Variants in SLC22A2 observed in about 807,000 individuals in gnomAD.
The protein encoded by SLC22A2 is organic cation transporter 2.
Under a neutral mutation model 60.5 loss-of-function variants are expected in SLC22A2, and 46 were observed. That is an observed-to-expected ratio of 0.76 (90% CI 0.60 to 0.97). SLC22A2 has a LOEUF of 0.97. SLC22A2 is among the 50% of genes least tolerant of loss of function. The pLI, the probability that SLC22A2 is intolerant of heterozygous loss-of-function variation, is 0.00. For missense variants in SLC22A2, 701 were observed against 706.6 expected, an observed-to-expected ratio of 0.99 and a Z score of 0.09; for synonymous variants, 303 against 267.0, an observed-to-expected ratio of 1.13 and a Z score of -1.31.
chr6:160,233,966 G>C (rs990363211), intron 9 of SLC22A2, among the ~76,000 whole-genome samples: 2 of 152,080 alleles, frequency 1.3e-5, no homozygotes, highest in Non-Finnish European at 1.5e-5. Flanking sequence ...CATATCCCCT[G>C]TGACCTGCAC....
chr6:160,224,817 CA>C lies in SLC22A2; in HGVS notation c.1502-14del. 1 of 1,476,150 alleles carries C rather than the reference CA, an allele frequency of 6.8e-7. No individual in the cohort carries two copies. Among genetic ancestry groups the C allele is most frequent in the South Asian group, 1.3e-5 (1 of 78,184 alleles). 91.4% of individuals were successfully genotyped at this position (1,476,150 alleles called of 1,614,324 possible). On this transcript the variant is annotated splice_polypyrimidine_tract_variant and intron_variant, in intron 9 of 10. Transcript: ENST00000366953. ...AAGCCAAGCACGCCTGAAAGCCAAA[CA>C]GATGAATATCACATTAAGAACTGAA...
In SLC22A2 at chr6:160,249,239, G is replaced by A; in HGVS notation, c.819C>T (p.Asn273=). Residue 273 remains asparagine, a synonymous_variant, in exon 4 of 11, where the codon AAC becomes AAT. Coordinates refer to ENST00000366953, the MANE Select transcript of SLC22A2 (RefSeq NM_003058.4). ...RWLQFTVSLP[N]FFFLLYYWCI... ...ACCAGTAATAGAGCAAGAAGAAGAAGTTGGGCAGAGAAACTGTGAACTGCA... is the reference window on the plus strand; with the variant it reads ...ACCAGTAATAGAGCAAGAAGAAGAAATTGGGCAGAGAAACTGTGAACTGCA... 2 of 1,603,092 alleles carry A rather than the reference G, an allele frequency of 1.2e-6. No homozygotes were observed. The highest frequency in any genetic ancestry group is 1.7e-6 in the Non-Finnish European group (2 of 1,175,850).
chr6:160,252,636 T>C (rs909260936), intron 2 of SLC22A2, among the ~76,000 whole-genome samples: 16 of 152,184 alleles, frequency 1.1e-4, no homozygotes, highest in Non-Finnish European at 1.8e-4. Flanking sequence ...TTTTAGCTAC[T>C]TGTGACTCAG....
At chr6:160,235,161 T>C (rs1321696356) in intron 9 of SLC22A2, among the ~76,000 whole-genome samples, 1 of 152,160 alleles carries the variant, frequency 6.6e-6, no homozygotes, top group Non-Finnish European at 1.5e-5. Context: ...AGTGGATAGA[T>C]CCATCTCAAA....
chr6:160,246,484 T>C (rs549658624), intron 5 of SLC22A2, among the ~76,000 whole-genome samples: 2 of 152,122 alleles, frequency 1.3e-5, no homozygotes, highest in African/African-American at 4.8e-5. Flanking sequence ...CGGTGGCTCA[T>C]GCCTGTAATC....
At chr6:160,235,242 A>G (rs1261173568) in intron 9 of SLC22A2, among the ~76,000 whole-genome samples, 1 of 152,002 alleles carries the variant, frequency 6.6e-6, no homozygotes, top group Non-Finnish European at 1.5e-5. Context: ...AGAAATTACT[A>G]TACATTATGA....
intron 10 of SLC22A2, among the ~76,000 whole-genome samples, chr6:160,224,116 C>G (rs200345262): frequency 6.6e-6 from 1 of 152,168 alleles, no homozygotes; most frequent in African/African-American, 2.4e-5. Context: ...TACATTTCTC[C>G]CCATTCTTCC....
chr6:160,219,574 A>G (rs1782611937), intron 10 of SLC22A2, among the ~76,000 whole-genome samples: 1 of 147,562 alleles, frequency 6.8e-6, no homozygotes, highest in Admixed American at 6.9e-5. Flanking sequence ...TGTGGTTTTG[A>G]GCAAGTCCTT....
chr6:160,243,625 G>A lies in SLC22A2; in HGVS notation c.1226C>T (p.Ala409Val). Residue 409 changes from alanine to valine, a missense_variant, in exon 7 of 11, where the codon GCA becomes GTA. Physicochemically the swap from Ala to Val is moderately conservative, Grantham distance 64. Coordinates refer to ENST00000366953, the MANE Select transcript of SLC22A2 (RefSeq NM_003058.4). ...GGCTGCCCCTGCAACCATATTTGAT[G>A]CAGCCCAAGGGTAACGGCGTCCGAT... is the stretch of plus-strand genomic sequence containing the variant. ...DRIGRRYPWA[A>V]SNMVAGAACL... 6.2e-7 allele frequency: 1 copy of A among 1,614,062 alleles called. No individual in the cohort carries two copies. The highest frequency in any genetic ancestry group is 8.5e-7 in the Non-Finnish European group (1 of 1,179,948).
intron 6 of SLC22A2, 75 bp from the exon 7 acceptor site, chr6:160,243,861 A>G (rs750536104): frequency 2.7e-5 from 27 of 1,007,192 alleles, no homozygotes; most frequent in African/African-American, 4.8e-5. Flanking sequence ...TTCTGGAAAA[A>G]TAATGTGGAT....
intron 2 of SLC22A2, among the ~76,000 whole-genome samples, chr6:160,251,786 C>T (rs1380082081): frequency 1.3e-5 from 2 of 152,110 alleles, no homozygotes; most frequent in African/African-American, 4.8e-5. Context: ...TATTATGCAA[C>T]TATATTCTAG....
chr6:160,227,224 T>C (rs1459122904), intron 9 of SLC22A2, among the ~76,000 whole-genome samples: 1 of 152,160 alleles, frequency 6.6e-6, no homozygotes, highest in African/African-American at 2.4e-5. Context: ...AGGAAACATT[T>C]GCCATTGATT....
chr6:160,247,223 G>A lies in SLC22A2; in HGVS notation c.918C>T (p.Ile306=), dbSNP rs140015154. 814 of 1,613,258 alleles carry A rather than the reference G, an allele frequency of 5.0e-4. No individual in the cohort carries two copies. Among genetic ancestry groups the A allele is most frequent in the African/African-American group, 1.7e-3 (129 of 74,992 alleles). The change falls in exon 5 of 11, where the codon ATC becomes ATT. Residue 306 remains isoleucine, a synonymous_variant. Coordinates refer to ENST00000366953, the MANE Select transcript of SLC22A2 (RefSeq NM_003058.4). ...GTAGAGATTTTCCATTTTTCTTTGCGATGTGCTTAATGATTCTCATGGCTT... is the reference window on the plus strand; with the variant it reads ...GTAGAGATTTTCCATTTTTCTTTGCAATGTGCTTAATGATTCTCATGGCTT... ...NAEAMRIIKH[I]AKKNGKSLPA...
chr6:160,250,425 T>TA (rs1407994438), intron 3 of SLC22A2, 123 bp downstream of exon 3: 62 of 886,442 alleles, frequency 7.0e-5, no homozygotes, highest in East Asian at 2.2e-4. Flanking sequence ...GATACAGAAA[T>TA]AAAAAAATCT....
chr6:160,243,890 G>A, intron 6 of SLC22A2, 104 bp from the exon 7 acceptor site: 1 of 723,242 alleles, frequency 1.4e-6, no homozygotes, highest in South Asian at 1.7e-5. Context: ...ACCTTTCCCT[G>A]TGACCATCTC....
chr6:160,250,474 G>A, intron 3 of SLC22A2, 74 bp downstream of exon 3: 1 of 1,448,356 alleles, frequency 6.9e-7, no homozygotes, highest in Non-Finnish European at 9.7e-7. Context: ...TTTCTTGCAT[G>A]CCGCCCCCCA....
Position 160,217,300 on chromosome 6 carries a change from T to C in SLC22A2, c.*132A>G, listed in dbSNP as rs1244207145. 3 of 583,886 alleles carry C rather than the reference T, an allele frequency of 5.1e-6. No homozygotes were observed. Among genetic ancestry groups the C allele is most frequent in the African/African-American group, 1.9e-5 (1 of 53,234 alleles). The allele number at this position is 583,886 out of a possible 1,614,324, so 36.2% of individuals were successfully genotyped here. A position where few individuals can be genotyped will look rare whatever the true frequency, so the allele number is the denominator to read the frequency against. On this transcript the variant is annotated 3_prime_UTR_variant, in exon 11 of 11. Transcript: ENST00000366953. ...AGTGTACAATAGACTCCACTGGCTG[T>C]AGACCTAGGTTGATAGGGCTCAGGG...
chr6:160,243,523 C>T (rs745511746), intron 7 of SLC22A2, 49 bp downstream of exon 7: 6 of 1,339,838 alleles, frequency 4.5e-6, no homozygotes, highest in Admixed American at 1.7e-5. Flanking sequence ...GTGACACTCC[C>T]TTTCTCCAGG....
At chr6:160,255,580 A>G (rs1783256435) in intron 2 of SLC22A2, among the ~76,000 whole-genome samples, 1 of 152,062 alleles carries the variant, frequency 6.6e-6, no homozygotes, top group Non-Finnish European at 1.5e-5. Context: ...ATTCATAATT[A>G]TATATTTATA....
Sources: gnomAD v4.1 joint callset for allele counts (sites outside exome capture counted in the v4.1 genomes callset) on GRCh38, gnomAD v4.1.1 for gene constraint, MANE v1.5 for transcripts, NCBI Gene and HGNC (gene_info 2026-07-23, HGNC 2026-07-21) for gene names.